Variants in CNTNAP4 observed in about 807,000 individuals in gnomAD.
CNTNAP4 encodes the protein contactin associated protein family member 4.
CNTNAP4 carries 98 observed loss-of-function variants against 148.4 expected under a neutral mutation model. That is an observed-to-expected ratio of 0.66 (90% CI 0.56 to 0.78). The LOEUF is 0.78. CNTNAP4 is among the 30% of genes least tolerant of loss of function. The pLI is 0.00. For missense variants in CNTNAP4, 1,935 were observed against 1,565.6 expected (o/e 1.24, Z -3.98); for synonymous variants, 730 against 565.1 (o/e 1.29, Z -4.14).
intron 3 of CNTNAP4, among the ~76,000 whole-genome samples, chr16:76,358,976 A>G (rs953074136): frequency 6.6e-6 from 1 of 152,148 alleles, no homozygotes; most frequent in Non-Finnish European, 1.5e-5. Flanking sequence ...GTCCCACTCT[A>G]AAGGAAGCTC....
At chr16:76,319,931 G>A (rs986388379) in intron 2 of CNTNAP4, among the ~76,000 whole-genome samples, 1 of 152,160 alleles carries the variant, frequency 6.6e-6, no homozygotes, top group African/African-American at 2.4e-5. Flanking sequence ...TGCTACTGCA[G>A]CCCTTGAAAA....
chr16:76,353,539 T>C (rs2012140032), intron 2 of CNTNAP4, among the ~76,000 whole-genome samples: 1 of 152,166 alleles, frequency 6.6e-6, no homozygotes, highest in Admixed American at 6.5e-5. Context: ...TTGCGGTTGT[T>C]AAGCATCATT....
chr16:76,521,231 C>A lies in CNTNAP4; in HGVS notation c.2457C>A (p.Phe819Leu), dbSNP rs1338972598. ...GAGAACTTAGCGCGGATGTATCTTTCTTTTTTAAGACAACAGCTTCATCTG... is the reference window on the plus strand; with the variant it reads ...GAGAACTTAGCGCGGATGTATCTTTATTTTTTAAGACAACAGCTTCATCTG... ...FHGELSADVS[F>L]FFKTTASSGV... The change falls in exon 16 of 24, where the codon TTC becomes TTA. Residue 819 changes from phenylalanine to leucine, a missense_variant. Coordinates refer to ENST00000611870, the MANE Select transcript of CNTNAP4 (RefSeq NM_033401.5). 6.2e-7 allele frequency: 1 copy of A among 1,611,484 alleles called. No homozygotes were observed. The highest frequency in any genetic ancestry group is 1.3e-5 in the African/African-American group (1 of 74,432).
intron 3 of CNTNAP4, among the ~76,000 whole-genome samples, chr16:76,364,510 C>G (rs953724234): frequency 2.0e-5 from 3 of 152,140 alleles, no homozygotes; most frequent in African/African-American, 7.2e-5. Flanking sequence ...TAACTTGTAT[C>G]TCACATTCTA....
chr16:76,382,048 G>A (rs1469356817), intron 3 of CNTNAP4, among the ~76,000 whole-genome samples: 6 of 115,184 alleles, frequency 5.2e-5, no homozygotes, highest in South Asian at 6.0e-4. Flanking sequence ...GGGACAGAGC[G>A]AGACTCCGTC....
chr16:76,391,672 A>G (rs2017010119), intron 3 of CNTNAP4, among the ~76,000 whole-genome samples: 1 of 152,308 alleles, frequency 6.6e-6, no homozygotes, highest in South Asian at 2.1e-4. Flanking sequence ...GGGTCCAGGA[A>G]CAGTGTTGTA....
intron 3 of CNTNAP4, among the ~76,000 whole-genome samples, chr16:76,400,139 A>T (rs1306305138): frequency 6.6e-6 from 1 of 152,146 alleles, no homozygotes. Context: ...CCGTCTGGGT[A>T]TTACTGTTAT....
chr16:76,505,061 C>T (rs2082792561), intron 15 of CNTNAP4, among the ~76,000 whole-genome samples: 1 of 152,150 alleles, frequency 6.6e-6, no homozygotes, highest in Non-Finnish European at 1.5e-5. Flanking sequence ...AATTTGGTTT[C>T]TTATAATGTT....
At chr16:76,499,364 A>G (rs960138173) in intron 15 of CNTNAP4, among the ~76,000 whole-genome samples, 4 of 151,938 alleles carry the variant, frequency 2.6e-5, no homozygotes, top group African/African-American at 7.3e-5. Context: ...TCCAGCCACT[A>G]TACCCCTGTT....
intron 1 of CNTNAP4, among the ~76,000 whole-genome samples, chr16:76,281,282 A>G (rs1221152332): frequency 6.6e-6 from 1 of 152,096 alleles, no homozygotes; most frequent in Non-Finnish European, 1.5e-5. Flanking sequence ...TGCAATAGTA[A>G]AGTACTGATA....
chr16:76,368,657 C>T (rs12716806), intron 3 of CNTNAP4, among the ~76,000 whole-genome samples: 53,942 of 151,360 alleles, frequency 0.36, 10,444 homozygotes, highest in African/African-American at 0.49. Context: ...GAACATCACA[C>T]ACCGGGGCCT....
intron 3 of CNTNAP4, among the ~76,000 whole-genome samples, chr16:76,421,010 T>C (rs931340647): frequency 6.6e-6 from 1 of 152,070 alleles, no homozygotes; most frequent in African/African-American, 2.4e-5. Context: ...CACATATCTC[T>C]CATAAAACAA....
intron 2 of CNTNAP4, among the ~76,000 whole-genome samples, chr16:76,331,485 G>T (rs894538240): frequency 1.3e-5 from 2 of 150,448 alleles, no homozygotes; most frequent in African/African-American, 2.4e-5. Context: ...ACCACGGCCG[G>T]CCTGTTTTTT....
intron 2 of CNTNAP4, among the ~76,000 whole-genome samples, chr16:76,328,229 A>G (rs974413869): frequency 3.9e-5 from 6 of 152,216 alleles, no homozygotes; most frequent in Admixed American, 1.3e-4. Context: ...AATCAGTGAT[A>G]AATTATATTG....
At chr16:76,362,535 A>G (rs1397486966) in intron 3 of CNTNAP4, among the ~76,000 whole-genome samples, 3 of 152,236 alleles carry the variant, frequency 2.0e-5, no homozygotes, top group African/African-American at 4.8e-5. Flanking sequence ...CAAAGCTACA[A>G]TATGGTGCTG....
At chr16:76,423,361 A>G (rs935434894) in intron 3 of CNTNAP4, among the ~76,000 whole-genome samples, 3 of 152,124 alleles carry the variant, frequency 2.0e-5, no homozygotes, top group African/African-American at 7.2e-5. Flanking sequence ...TCAAAATGCA[A>G]ATTTCAGGAC....
intron 2 of CNTNAP4, among the ~76,000 whole-genome samples, chr16:76,344,020 G>A (rs1431147022): frequency 6.6e-6 from 1 of 152,148 alleles, no homozygotes; most frequent in Non-Finnish European, 1.5e-5. Flanking sequence ...AAAAGGGTCT[G>A]CAATTGAAAG....
intron 2 of CNTNAP4, among the ~76,000 whole-genome samples, chr16:76,339,846 A>G (rs1964324909): frequency 6.6e-6 from 1 of 152,210 alleles, no homozygotes; most frequent in Admixed American, 6.5e-5. Context: ...ACGAGATTTG[A>G]TTCTTAGCTA....
intron 20 of CNTNAP4, 97 bp downstream of exon 20, chr16:76,539,949 CA>C: frequency 1.2e-6 from 1 of 844,018 alleles, no homozygotes; most frequent in Non-Finnish European, 1.8e-6. Flanking sequence ...TAAGCAGAGA[CA>C]CTTTCATTGG....
Sources: gnomAD v4.1 joint callset for allele counts (sites outside exome capture counted in the v4.1 genomes callset) on GRCh38, gnomAD v4.1.1 for gene constraint, MANE v1.5 for transcripts, NCBI Gene and HGNC (gene_info 2026-07-23, HGNC 2026-07-21) for gene names.